Variants in TSPEAR observed in about 807,000 individuals in gnomAD.
The protein encoded by TSPEAR is thrombospondin type laminin G domain and EAR repeats.
A neutral mutation model predicts 71.6 loss-of-function variants in TSPEAR; 69 were observed. The observed-to-expected ratio is 0.96, with a 90% CI of 0.79 to 1.18. The LOEUF is 1.18. Ranked by LOEUF, TSPEAR falls within the 50% of genes most tolerant of loss-of-function variation. The pLI, the probability that TSPEAR is intolerant of heterozygous loss-of-function variation, is 0.00. For missense variants in TSPEAR, 971 were observed against 894.9 expected (o/e 1.09, Z -1.09); for synonymous variants, 402 against 387.2 (o/e 1.04, Z -0.45).
At chr21:44,666,818 G>A in intron 1 of TSPEAR, 8 of 1,609,618 alleles carry the variant, frequency 5.0e-6, no homozygotes, top group Non-Finnish European at 6.8e-6. Context: ...GCACACAACA[G>A]GCTGGCTGGC....
intron 1 of TSPEAR, among the ~76,000 whole-genome samples, chr21:44,588,165 A>G (rs587650038): frequency 3.9e-5 from 6 of 152,346 alleles, no homozygotes; most frequent in African/African-American, 1.4e-4. Context: ...AACAAACTCA[A>G]ACAAATTATA....
intron 1 of TSPEAR, chr21:44,627,504 G>T (rs1386013332): frequency 6.5e-7 from 1 of 1,533,134 alleles, no homozygotes; most frequent in African/African-American, 1.4e-5. Context: ...TGTGCTGCGT[G>T]CCCGTCTGCT....
At chr21:44,622,016 T>C (rs1439072281) in intron 1 of TSPEAR, among the ~76,000 whole-genome samples, 3 of 152,206 alleles carry the variant, frequency 2.0e-5, no homozygotes, top group Non-Finnish European at 4.4e-5. Context: ...CAAAATGTTA[T>C]ATGCATGGAA....
chr21:44,646,260 C>T (rs1051640060), intron 1 of TSPEAR, among the ~76,000 whole-genome samples: 3 of 150,936 alleles, frequency 2.0e-5, no homozygotes, highest in Non-Finnish European at 4.4e-5. Context: ...AAGAGATAAA[C>T]CAGCATGAAT....
In TSPEAR at chr21:44,695,798, G is replaced by A. The variant is rs184904487; in HGVS notation, c.82+15635C>T. Among the ~76,000 whole-genome samples, 125 of 152,118 alleles carry A rather than the reference G, an allele frequency of 8.2e-4. No homozygotes were observed. Among genetic ancestry groups the A allele is most frequent in the African/African-American group, 2.8e-3 (117 of 41,470 alleles). ...CTCATCACAGGGTAATGTTTACAAC[G>A]CAGAGACCAGCAGACACCACACACC... is the stretch of plus-strand genomic sequence containing the variant. On this transcript the variant is annotated intron_variant, in intron 1 of 11. Transcript: ENST00000323084. The surrounding 1 kb of genome is among the most constrained non-coding windows in gnomAD (Gnocchi z 4.5).
intron 1 of TSPEAR, among the ~76,000 whole-genome samples, chr21:44,576,395 ACGTCC>A (rs1978454043): frequency 6.9e-6 from 1 of 145,616 alleles, no homozygotes; most frequent in Admixed American, 6.8e-5. Flanking sequence ...AGACACACGG[ACGTCC>A]CAGGGTGGGT....
intron 1 of TSPEAR, chr21:44,647,745 G>C (rs991870483): frequency 3.7e-6 from 1 of 267,982 alleles, no homozygotes; most frequent in Admixed American, 4.8e-5. Flanking sequence ...AAGGCAGACA[G>C]GACAGTGTCT....
intron 1 of TSPEAR, among the ~76,000 whole-genome samples, chr21:44,684,826 G>C (rs757268089): frequency 1.3e-5 from 2 of 152,272 alleles, no homozygotes; most frequent in Non-Finnish European, 2.9e-5. Flanking sequence ...TTCTTCTGTA[G>C]TCAACTTGTA....
intron 1 of TSPEAR, among the ~76,000 whole-genome samples, chr21:44,613,770 G>T (rs1157098432): frequency 2.6e-5 from 4 of 152,092 alleles, no homozygotes; most frequent in Non-Finnish European, 4.4e-5. Flanking sequence ...GGATGGGATG[G>T]GGGGATGCTT....
chr21:44,608,802 G>C (rs1376705221), intron 1 of TSPEAR, among the ~76,000 whole-genome samples: 3 of 152,206 alleles, frequency 2.0e-5, no homozygotes, highest in African/African-American at 7.2e-5. Flanking sequence ...AATTTCTTTA[G>C]AAAGTTGTTG....
rs1986901734 is a variant in TSPEAR, at chr21:44,687,259, G to A, written c.82+24174C>T. Among the ~76,000 whole-genome samples the A allele has an allele frequency of 6.6e-6, 1 of 152,134 alleles. No individual in the cohort carries two copies. On this transcript the variant is annotated intron_variant, in intron 1 of 11. Transcript: ENST00000323084. The surrounding 1 kb of genome is among the most constrained non-coding windows in gnomAD (Gnocchi z 4.4). ...AGCTCAGCAGGAGGAAGGGTCCCCT[G>A]AAAGCCAGGGCTCCCAGTGACACAC...
chr21:44,688,056 C>T (rs929608079), intron 1 of TSPEAR, among the ~76,000 whole-genome samples: 14 of 152,040 alleles, frequency 9.2e-5, no homozygotes, highest in African/African-American at 3.1e-4. Context: ...TGTATGTTTC[C>T]GTTTTTCATA....
At chr21:44,600,631 T>C (rs782639544) in intron 1 of TSPEAR, 2 of 1,613,090 alleles carry the variant, frequency 1.2e-6, no homozygotes, top group Non-Finnish European at 1.7e-6. Flanking sequence ...CATGGCTGCG[T>C]CCACTATGTC....
At chr21:44,508,962 CA>C in intron 10 of TSPEAR, 5 of 1,537,216 alleles carry the variant, frequency 3.3e-6, no homozygotes, top group Non-Finnish European at 3.5e-6. Flanking sequence ...ACTCCGCACA[CA>C]GCACCCGGCT....
intron 1 of TSPEAR, among the ~76,000 whole-genome samples, chr21:44,592,743 T>C (rs146799181): frequency 7.9e-4 from 120 of 152,224 alleles, no homozygotes; most frequent in African/African-American, 2.8e-3. Context: ...TGGTCCCAGC[T>C]GGGTTCGGGG....
chr21:44,709,036 G>A (rs1988082359), intron 1 of TSPEAR, among the ~76,000 whole-genome samples: 1 of 152,236 alleles, frequency 6.6e-6, no homozygotes, highest in Non-Finnish European at 1.5e-5. Context: ...CTCAGGACAG[G>A]GAGAGGCAAT....
intron 1 of TSPEAR, chr21:44,690,480 A>G: frequency 1.1e-6 from 1 of 904,548 alleles, no homozygotes; most frequent in Non-Finnish European, 1.3e-6. Flanking sequence ...CAAGTCACCC[A>G]CAAGCAATAA....
intron 9 of TSPEAR, among the ~76,000 whole-genome samples, chr21:44,515,125 A>G (rs2052521991): frequency 3.3e-5 from 5 of 152,228 alleles, no homozygotes. Context: ...GCTCACGTTC[A>G]TGAAAGACAT....
chr21:44,522,689 A>C (rs141999335), intron 8 of TSPEAR, among the ~76,000 whole-genome samples: 2 of 152,368 alleles, frequency 1.3e-5, no homozygotes, highest in Non-Finnish European at 2.9e-5. Flanking sequence ...TGGCCTGGAA[A>C]GCAGGTGTCC....
Sources: gnomAD v4.1 joint callset for allele counts (sites outside exome capture counted in the v4.1 genomes callset) on GRCh38, gnomAD v4.1.1 for gene constraint, Gnocchi (gnomAD v3.1) non-coding constraint, MANE v1.5 for transcripts, NCBI Gene and HGNC (gene_info 2026-07-23, HGNC 2026-07-21) for gene names.